The following ADD2 variants were observed in gnomAD, a reference collection of about 807,000 sequenced individuals.
ADD2 encodes adducin 2.
Under a neutral mutation model 83.0 loss-of-function variants are expected in ADD2, and 23 were observed. The ratio of observed to expected loss-of-function variants is 0.28; its 90% CI spans 0.20 to 0.39. The LOEUF is 0.39. ADD2 is among the 10% of genes least tolerant of loss of function. The probability of loss-of-function intolerance (pLI) is 1.00; values close to 1 mark genes in which losing one functional copy is unlikely to be tolerated. For synonymous variants in ADD2, 375 were observed against 375.4 expected (o/e 1.00, Z 0.01); for missense variants, 758 against 944.9 (o/e 0.80, Z 2.59).
chr2:70,697,782 G>A (rs1671385112), intron 4 of ADD2, among the ~76,000 whole-genome samples: 1 of 152,210 alleles, frequency 6.6e-6, no homozygotes, highest in South Asian at 2.1e-4. Context: ...TAGTGGAAGT[G>A]ATGATGTGGT....
At chr2:70,739,453 C>T (rs1213618030) in intron 1 of ADD2, among the ~76,000 whole-genome samples, 4 of 152,176 alleles carry the variant, frequency 2.6e-5, no homozygotes, top group Admixed American at 1.3e-4. Flanking sequence ...ATTTGTCCAA[C>T]CGTTGTGGAA....
chr2:70,692,619 T>C, intron 6 of ADD2, 67 bp from the exon 7 acceptor site: 1 of 1,491,176 alleles, frequency 6.7e-7, no homozygotes, highest in Non-Finnish European at 8.9e-7. Context: ...CTCTCCCAGC[T>C]GGTGGGCCCA....
intron 9 of ADD2, among the ~76,000 whole-genome samples, chr2:70,685,871 C>T (rs1226958103): frequency 6.6e-6 from 1 of 152,236 alleles, no homozygotes; most frequent in Non-Finnish European, 1.5e-5. Flanking sequence ...TGGAGAAGAA[C>T]TGCTTGAGCT....
At position 70,658,741 on chromosome 2, in the gene ADD2, T is replaced by A. The variant is rs1269383272; in HGVS notation, c.*4684A>T. The stretch of plus-strand genomic sequence containing the variant: ...CTGTGCCAACCAACTCTAGGGCTTC[T>A]GCTGACCTGCATGTGTAAAATGAGT... On this transcript the variant is annotated 3_prime_UTR_variant, in exon 16 of 16. Coordinates refer to ENST00000264436, the MANE Select transcript of ADD2 (RefSeq NM_001617.4). The A allele has an allele frequency of 1.3e-5, 2 of 152,240 alleles. No individual in the cohort carries two copies. 9.4% of individuals were successfully genotyped at this position (152,240 alleles called of 1,614,324 possible).
At chr2:70,743,506 A>G (rs1371739871) in intron 1 of ADD2, among the ~76,000 whole-genome samples, 2 of 152,194 alleles carry the variant, frequency 1.3e-5, no homozygotes, top group African/African-American at 4.8e-5. Context: ...TTTATTAGGG[A>G]CAATATCTGC....
intron 8 of ADD2, 109 bp downstream of exon 8, chr2:70,690,677 T>C: frequency 2.3e-6 from 3 of 1,299,142 alleles, no homozygotes; most frequent in African/African-American, 1.5e-5. Flanking sequence ...CTTTCTTTTT[T>C]TTCCCCCCTC....
chr2:70,703,050 T>C lies in ADD2; in HGVS notation c.322+1271A>G, dbSNP rs575537946. Among the ~76,000 whole-genome samples, 208 of 151,614 alleles carry C rather than the reference T, an allele frequency of 1.4e-3. 1 individual carries two copies. The highest frequency in any genetic ancestry group is 4.8e-3 in the African/African-American group (198 of 41,306). On this transcript the variant is annotated intron_variant, in intron 4 of 15. Transcript: ENST00000264436. ...CTGAAGTGGGAGGATTGCTTGAGCC[T>C]GGAAGGTTGCAGTGGGCTGAGATTG...
chr2:70,767,935 T>C lies in ADD2; in HGVS notation c.-203A>G, dbSNP rs1553386475. 2 of 1,535,796 alleles carry C rather than the reference T, an allele frequency of 1.3e-6. No individual in the cohort carries two copies. Among genetic ancestry groups the C allele is most frequent in the Non-Finnish European group, 1.7e-6 (2 of 1,146,768 alleles). On this transcript the variant is annotated 5_prime_UTR_variant, in exon 1 of 16. Transcript: ENST00000264436. Reference sequence around the variant, plus strand: ...TCCGGTCGGCCACTGCGGGTTGGTTTTGTTATTTTATGGGTTTGGGGGGTG... The same window carrying C: ...TCCGGTCGGCCACTGCGGGTTGGTTCTGTTATTTTATGGGTTTGGGGGGTG...
intron 1 of ADD2, among the ~76,000 whole-genome samples, chr2:70,740,667 T>G (rs1438819722): frequency 6.6e-6 from 1 of 152,076 alleles, no homozygotes; most frequent in African/African-American, 2.4e-5. Flanking sequence ...GTTGTTTTTG[T>G]GTGTGTGTCT....
intron 2 of ADD2, among the ~76,000 whole-genome samples, chr2:70,712,214 C>T (rs568670493): frequency 3.3e-5 from 5 of 151,918 alleles, no homozygotes; most frequent in African/African-American, 7.3e-5. Flanking sequence ...GAGGCCGAGG[C>T]GGATGGATCA....
At chr2:70,731,298 A>C (rs1473128997) in intron 1 of ADD2, among the ~76,000 whole-genome samples, 1 of 151,896 alleles carries the variant, frequency 6.6e-6, no homozygotes, top group Non-Finnish European at 1.5e-5. Flanking sequence ...ACAGGATGCC[A>C]CTGTCCACAC....
intron 8 of ADD2, among the ~76,000 whole-genome samples, chr2:70,689,651 G>T (rs910534123): frequency 1.5e-4 from 23 of 152,200 alleles, no homozygotes; most frequent in African/African-American, 5.5e-4. Flanking sequence ...TGTTAGAGAT[G>T]AGAAGACAGG....
rs551724816 is a variant in ADD2 at position 70,767,571 on chromosome 2, G to A, written c.-154+315C>T. ...CCGGCTAGGCGAGGCGAGGCTTGCC[G>A]CCCCTCCATTCGGACCCAAAAGAAA... is the stretch of plus-strand genomic sequence containing the variant. On this transcript the variant is annotated intron_variant, in intron 1 of 15. Coordinates refer to ENST00000264436, the MANE Select transcript of ADD2 (RefSeq NM_001617.4). The A allele has an allele frequency of 3.5e-4, 404 of 1,139,896 alleles. 2 individuals carry two copies. The African/African-American group carries it at 6.0e-3, about 17-fold the overall frequency. 70.6% of individuals were successfully genotyped at this position (1,139,896 alleles called of 1,614,324 possible).
chr2:70,712,679 C>G (rs1672256259), intron 2 of ADD2, among the ~76,000 whole-genome samples: 1 of 151,906 alleles, frequency 6.6e-6, no homozygotes, highest in African/African-American at 2.4e-5. Flanking sequence ...ACTAGGAAAC[C>G]AGGTGGTTGT....
chr2:70,742,231 T>C (rs1673955341), intron 1 of ADD2, among the ~76,000 whole-genome samples: 2 of 152,232 alleles, frequency 1.3e-5, no homozygotes, highest in Admixed American at 1.3e-4. Flanking sequence ...TGTTTTTGGT[T>C]AAGAAAGTGC....
At chr2:70,754,572 C>T (rs375240397) in intron 1 of ADD2, among the ~76,000 whole-genome samples, 63 of 152,186 alleles carry the variant, frequency 4.1e-4, no homozygotes, top group African/African-American at 1.1e-3. Flanking sequence ...TCTCATTCTC[C>T]GAGGACTCCA....
At position 70,692,414 on chromosome 2, in the gene ADD2, C is replaced by A; in HGVS notation, c.694G>T (p.Ala232Ser). Residue 232 changes from alanine (A) to serine (S), a missense_variant, in exon 7 of 16, where the codon GCC becomes TCC. Physicochemically the swap from Ala to Ser is moderately conservative, Grantham distance 99. Transcript: ENST00000264436. ...AGGAGTCCACTCACCGCTGCTGTGG[C>A]CGGTGTGTGCAGGTGGATGATGCAG... ...VRCIIHLHTPATAAVSAMKWG... is the reference protein window; with the variant it reads ...VRCIIHLHTPSTAAVSAMKWG... 6.4e-7 allele frequency: 1 copy of A among 1,572,532 alleles called. No individual in the cohort carries two copies. The highest frequency in any genetic ancestry group is 1.2e-5 in the South Asian group (1 of 84,988).
Position 70,659,904 on chromosome 2 carries a change from CCA to C in ADD2, c.*3519_*3520del, listed in dbSNP as rs1231993487. On this transcript the variant is annotated 3_prime_UTR_variant, in exon 16 of 16. Coordinates refer to ENST00000264436, the MANE Select transcript of ADD2 (RefSeq NM_001617.4). ...CCTCTCCACTTCCCAGCTCAGCCAG[CCA>C]CAGAGCAGCACATTGGTTCAAATGT... 3 of 152,420 alleles carry C rather than the reference CCA, an allele frequency of 2.0e-5. No individual in the cohort carries two copies. Among genetic ancestry groups the C allele is most frequent in the Non-Finnish European group, 4.4e-5 (3 of 68,164 alleles). 9.4% of individuals were successfully genotyped at this position (152,420 alleles called of 1,614,324 possible). A position where few individuals can be genotyped will look rare whatever the true frequency, so the allele number is the denominator to read the frequency against.
At chr2:70,692,163 G>A (rs930060147) in intron 7 of ADD2, among the ~76,000 whole-genome samples, 2 of 152,330 alleles carry the variant, frequency 1.3e-5, no homozygotes, top group East Asian at 3.9e-4. Flanking sequence ...AACTTAGCAG[G>A]TACTGCTTGT....
Sources: gnomAD v4.1 joint callset for allele counts (sites outside exome capture counted in the v4.1 genomes callset) on GRCh38, gnomAD v4.1.1 for gene constraint, MANE v1.5 for transcripts, NCBI Gene and HGNC (gene_info 2026-07-23, HGNC 2026-07-21) for gene names.